ESRRG: variants seen among roughly 807,000 people sequenced by gnomAD.
The protein encoded by ESRRG is estrogen related receptor gamma.
A neutral mutation model predicts 44.0 loss-of-function variants in ESRRG; 13 were observed. That is an observed-to-expected ratio of 0.30 (90% CI 0.19 to 0.47). The LOEUF is 0.47. Among genes scored for constraint, ESRRG ranks in the 20% least tolerant of loss-of-function variants. The probability of loss-of-function intolerance (pLI) is 1.00; values close to 1 mark genes in which losing one functional copy is unlikely to be tolerated. For missense variants in ESRRG, 395 were observed against 580.6 expected, an observed-to-expected ratio of 0.68 and a Z score of 3.29; for synonymous variants, 215 against 214.6, an observed-to-expected ratio of 1.00 and a Z score of -0.02.
At chr1:216,666,909 T>C (rs1361510673) in intron 2 of ESRRG, among the ~76,000 whole-genome samples, 2 of 152,188 alleles carry the variant, frequency 1.3e-5, no homozygotes, top group African/African-American at 4.8e-5. Context: ...AGGTTGTAGT[T>C]TGGGGCAGGT....
intron 2 of ESRRG, among the ~76,000 whole-genome samples, chr1:216,924,480 GCTT>G (rs1264298278): frequency 2.0e-5 from 3 of 152,004 alleles, no homozygotes; most frequent in African/African-American, 7.2e-5. Flanking sequence ...CAGGGCTTTG[GCTT>G]CTTCTGGTTC....
chr1:216,889,677 GT>G (rs1255712599), intron 2 of ESRRG, among the ~76,000 whole-genome samples: 2 of 152,130 alleles, frequency 1.3e-5, no homozygotes, highest in African/African-American at 4.8e-5. Context: ...GGTATTTATA[GT>G]TTTAACATTT....
chr1:216,956,456 T>A (rs994482779), intron 1 of ESRRG, among the ~76,000 whole-genome samples: 4 of 152,198 alleles, frequency 2.6e-5, no homozygotes, highest in Non-Finnish European at 4.4e-5. Flanking sequence ...CTCTGTTCCA[T>A]CGGTCTATGT....
intron 1 of ESRRG, among the ~76,000 whole-genome samples, chr1:216,973,714 T>C (rs1578899872): frequency 6.6e-6 from 1 of 151,738 alleles, no homozygotes; most frequent in South Asian, 2.1e-4. Flanking sequence ...TAATCCCAGC[T>C]ACTCGGGAGG....
chr1:216,642,878 T>A (rs1336425293), intron 3 of ESRRG, among the ~76,000 whole-genome samples: 1 of 146,718 alleles, frequency 6.8e-6, no homozygotes, highest in Non-Finnish European at 1.5e-5. Context: ...CTAAGTAGGC[T>A]CTTTAACTAA....
chr1:216,883,865 G>A (rs970983724), intron 2 of ESRRG, among the ~76,000 whole-genome samples: 3 of 151,208 alleles, frequency 2.0e-5, no homozygotes, highest in Non-Finnish European at 4.4e-5. Flanking sequence ...AAATCTGGAA[G>A]CAAGATAATA....
At position 217,001,801 on chromosome 1, in the gene ESRRG, A is replaced by G. The variant is rs563424457; in HGVS notation, c.-105-62128T>C. 2.0e-5 allele frequency among the ~76,000 whole-genome samples: 3 copies of G among 152,298 alleles called. No homozygotes were observed. In the South Asian group the frequency reaches 6.2e-4, roughly 32 times the overall value. On this transcript the variant is annotated intron_variant, in intron 1 of 7. Transcript: ENST00000359162. ...AAGACTTTGACTTTTACTGAAGGAAATGGAGAACCATACCAGCATTTTGAA... is the reference window on the plus strand; with the variant it reads ...AAGACTTTGACTTTTACTGAAGGAAGTGGAGAACCATACCAGCATTTTGAA...
At chr1:216,562,871 T>C (rs1189675558) in intron 5 of ESRRG, among the ~76,000 whole-genome samples, 1 of 152,206 alleles carries the variant, frequency 6.6e-6, no homozygotes, top group African/African-American at 2.4e-5. Context: ...TAAGTTTTCA[T>C]ACACTGTTGA....
At chr1:216,738,913 G>A (rs2090316687) in intron 2 of ESRRG, among the ~76,000 whole-genome samples, 1 of 152,266 alleles carries the variant, frequency 6.6e-6, no homozygotes, top group Middle Eastern at 3.4e-3. Context: ...GTGCAGTGGT[G>A]CAATCATAGC....
chr1:216,803,603 C>T (rs2148342842), intron 2 of ESRRG, among the ~76,000 whole-genome samples: 1 of 152,088 alleles, frequency 6.6e-6, no homozygotes, highest in Non-Finnish European at 1.5e-5. Context: ...CAGGACATTC[C>T]TCTTACATTT....
intron 2 of ESRRG, among the ~76,000 whole-genome samples, chr1:216,844,567 G>A (rs890150436): frequency 1.3e-5 from 2 of 151,874 alleles, no homozygotes; most frequent in African/African-American, 2.4e-5. Context: ...AGTGCACCAC[G>A]CTCCTCCTCC....
chr1:216,989,935 A>G (rs1271440259), intron 1 of ESRRG, among the ~76,000 whole-genome samples: 1 of 152,186 alleles, frequency 6.6e-6, no homozygotes, highest in Non-Finnish European at 1.5e-5. Flanking sequence ...AACAGTGTGC[A>G]TGGGGGAGGA....
At chr1:216,649,721 C>T (rs139330953) in intron 3 of ESRRG, among the ~76,000 whole-genome samples, 1 of 152,218 alleles carries the variant, frequency 6.6e-6, no homozygotes, top group East Asian at 1.9e-4. Flanking sequence ...AGAGTGTCTT[C>T]TTTGTTCCTA....
intron 2 of ESRRG, among the ~76,000 whole-genome samples, chr1:216,795,936 G>C (rs747624133): frequency 5.9e-5 from 9 of 151,988 alleles, no homozygotes; most frequent in African/African-American, 1.5e-4. Context: ...AGACCAAATG[G>C]GATATCAACA....
At chr1:216,784,126 T>G (rs1179228007) in intron 2 of ESRRG, among the ~76,000 whole-genome samples, 1 of 152,024 alleles carries the variant, frequency 6.6e-6, no homozygotes, top group African/African-American at 2.4e-5. Flanking sequence ...CAGCTAAAAT[T>G]TCTTACTACC....
At chr1:216,888,986 C>T (rs765098324) in intron 2 of ESRRG, among the ~76,000 whole-genome samples, 4 of 152,118 alleles carry the variant, frequency 2.6e-5, no homozygotes, top group Non-Finnish European at 4.4e-5. Context: ...ATAAGCTCAT[C>T]CTTGCATCCC....
intron 2 of ESRRG, among the ~76,000 whole-genome samples, chr1:216,901,334 G>A (rs1460967058): frequency 6.6e-6 from 1 of 152,102 alleles, no homozygotes; most frequent in Non-Finnish European, 1.5e-5. Flanking sequence ...ATACTTCTCA[G>A]TATGTAACTC....
At chr1:217,099,910 A>G (rs1347092950) in intron 1 of ESRRG, among the ~76,000 whole-genome samples, 1 of 152,196 alleles carries the variant, frequency 6.6e-6, no homozygotes, top group Non-Finnish European at 1.5e-5. Context: ...AACACGGAGA[A>G]TAACAATGAA....
chr1:217,057,567 A>C (rs974698736), intron 1 of ESRRG, among the ~76,000 whole-genome samples: 1 of 152,148 alleles, frequency 6.6e-6, no homozygotes, highest in Non-Finnish European at 1.5e-5. Flanking sequence ...GACTGAAAAA[A>C]ATGATTATAA....
Sources: gnomAD v4.1 joint callset for allele counts (sites outside exome capture counted in the v4.1 genomes callset) on GRCh38, gnomAD v4.1.1 for gene constraint, MANE v1.5 for transcripts, NCBI Gene and HGNC (gene_info 2026-07-23, HGNC 2026-07-21) for gene names.